The following EYS variants were observed in gnomAD, a reference collection of about 807,000 sequenced individuals.
EYS encodes protein eyes shut homolog.
A neutral mutation model predicts 282.1 loss-of-function variants in EYS; 250 were observed. The ratio of observed to expected loss-of-function variants is 0.89; its 90% CI spans 0.80 to 0.98. The LOEUF (loss-of-function observed/expected upper bound fraction) is 0.98. Ranked by LOEUF, EYS falls within the 50% of genes least tolerant of loss-of-function variation. EYS has a pLI of 0.00. For synonymous variants in EYS, 1,355 were observed against 1,282.9 expected (o/e 1.06, Z -1.20); for missense variants, 4,016 against 3,709.0 (o/e 1.08, Z -2.15).
rs375304751 is a variant in EYS, at chr6:65,120,393, T to A, written c.2024-62666A>T. On this transcript the variant is annotated intron_variant, in intron 12 of 42. Coordinates refer to ENST00000503581, the MANE Select transcript of EYS (RefSeq NM_001142800.2). Reference sequence around the variant, plus strand: ...GCTCTTCTCTTACACATCACATATGTCAGAGACAAGGACTGACATGGCTCA... The same window carrying A: ...GCTCTTCTCTTACACATCACATATGACAGAGACAAGGACTGACATGGCTCA... Among the ~76,000 whole-genome samples the A allele has an allele frequency of 4.2e-5, 6 of 141,836 alleles. No homozygotes were observed. The East Asian group carries it at 8.4e-4, about 20-fold the overall frequency. 93.0% of individuals were successfully genotyped at this position (141,836 alleles called of 152,430 possible). A position where few individuals can be genotyped will look rare whatever the true frequency, so the allele number is the denominator to read the frequency against.
intron 31 of EYS, among the ~76,000 whole-genome samples, chr6:64,156,948 G>A (rs911114587): frequency 9.9e-5 from 15 of 151,564 alleles, no homozygotes; most frequent in Non-Finnish European, 1.6e-4. Flanking sequence ...CAATGTGCAG[G>A]TTAGTTACAT....
rs73766041 is a variant in EYS, at chr6:64,267,418, T to C, written c.6192-36594A>G. On this transcript the variant is annotated intron_variant, in intron 30 of 42. Coordinates refer to ENST00000503581, the MANE Select transcript of EYS (RefSeq NM_001142800.2). ...TACTTCACCTCTCTTCCTAGCCATG[T>C]GTTCTGTCTGCTGTGGGCAATTTCT... 1.7e-3 allele frequency among the ~76,000 whole-genome samples: 266 copies of C among 152,200 alleles called. 1 individual carries two copies. Among genetic ancestry groups the C allele is most frequent in the Non-Finnish European group, 1.8e-3 (119 of 67,996 alleles).
chr6:63,837,150 T>C (rs1427709918), intron 36 of EYS, among the ~76,000 whole-genome samples: 1 of 152,104 alleles, frequency 6.6e-6, no homozygotes, highest in Non-Finnish European at 1.5e-5. Flanking sequence ...AAACATTTTA[T>C]GAAAAAGAAC....
intron 2 of EYS, among the ~76,000 whole-genome samples, chr6:65,634,651 C>T (rs1433478781): frequency 6.6e-6 from 1 of 152,190 alleles, no homozygotes; most frequent in Non-Finnish European, 1.5e-5. Context: ...TTTCCCCATT[C>T]CAGTTAATAG....
In EYS at chr6:63,806,177, C is replaced by T. The variant is rs1323717155; in HGVS notation, c.7411+13G>A. On this transcript the variant is annotated intron_variant, in intron 37 of 42. Transcript: ENST00000503581. ...GGAGCGAGGCAAGTCCTAGAGGGTT[C>T]AGTTAATCTTACCATGGCCTTTCTG... The T allele has an allele frequency of 9.0e-6, 14 of 1,548,394 alleles. No homozygotes were observed. Among genetic ancestry groups the T allele is most frequent in the South Asian group, 1.2e-5 (1 of 83,818 alleles).
At chr6:63,846,379 CT>C (rs1321391464) in intron 36 of EYS, among the ~76,000 whole-genome samples, 2 of 152,146 alleles carry the variant, frequency 1.3e-5, no homozygotes, top group Non-Finnish European at 2.9e-5. Context: ...GCCACTCACC[CT>C]GATGACAGCT....
chr6:64,841,191 C>T (rs1562220133), intron 19 of EYS, among the ~76,000 whole-genome samples: 1 of 152,034 alleles, frequency 6.6e-6, no homozygotes, highest in Non-Finnish European at 1.5e-5. Context: ...AGAAAAGAAT[C>T]AGTCCATAGA....
intron 22 of EYS, among the ~76,000 whole-genome samples, chr6:64,667,601 C>A (rs916641063): frequency 2.0e-5 from 3 of 151,190 alleles, no homozygotes; most frequent in African/African-American, 7.3e-5. Context: ...CTTAGTTTAT[C>A]ATGTTAAATT....
At chr6:65,513,980 C>A (rs141473372) in intron 2 of EYS, among the ~76,000 whole-genome samples, 27 of 152,044 alleles carry the variant, frequency 1.8e-4, no homozygotes, top group East Asian at 5.8e-4. Flanking sequence ...GTATTCAATT[C>A]GGAAAAGAGG....
At chr6:64,153,563 T>C (rs1476535915) in intron 31 of EYS, among the ~76,000 whole-genome samples, 3 of 152,212 alleles carry the variant, frequency 2.0e-5, no homozygotes, top group African/African-American at 7.2e-5. Context: ...TGTTTTCAAC[T>C]TCATAAGTTA....
intron 29 of EYS, among the ~76,000 whole-genome samples, chr6:64,356,673 C>T (rs535933637): frequency 9.6e-4 from 146 of 151,676 alleles, no homozygotes; most frequent in Middle Eastern, 3.4e-3. Context: ...CGTCTCAGCA[C>T]AGGCTTCAGG....
chr6:64,600,614 G>A (rs1044041863), intron 24 of EYS, among the ~76,000 whole-genome samples: 1 of 151,982 alleles, frequency 6.6e-6, no homozygotes, highest in Non-Finnish European at 1.5e-5. Context: ...GTTTTTAACA[G>A]CATTCCTTTT....
intron 31 of EYS, among the ~76,000 whole-genome samples, chr6:64,169,601 T>A (rs1764415662): frequency 6.6e-6 from 1 of 152,110 alleles, no homozygotes; most frequent in South Asian, 2.1e-4. Flanking sequence ...GAGAGTTGAA[T>A]GGAGACCTTT....
chr6:64,637,936 T>C lies in EYS; in HGVS notation c.3444-11691A>G, dbSNP rs1336648711. 2.2e-5 allele frequency among the ~76,000 whole-genome samples: 2 copies of C among 90,352 alleles called. 1 individual carries two copies. The highest frequency in any genetic ancestry group is 8.4e-5 in the African/African-American group (2 of 23,684). 59.3% of individuals were successfully genotyped at this position (90,352 alleles called of 152,430 possible). A position where few individuals can be genotyped will look rare whatever the true frequency, so the allele number is the denominator to read the frequency against. ...AAAGAAAAAAGAAATTTTTTTGTTC[T>C]TTTTTTACAGTAGCATGCTATTTCT... On this transcript the variant is annotated intron_variant, in intron 22 of 42. Coordinates refer to ENST00000503581, the MANE Select transcript of EYS (RefSeq NM_001142800.2).
At chr6:65,108,833 T>C (rs1001078367) in intron 12 of EYS, among the ~76,000 whole-genome samples, 3 of 152,146 alleles carry the variant, frequency 2.0e-5, no homozygotes, top group Non-Finnish European at 4.4e-5. Context: ...ATGTTGGACA[T>C]TTGAATAACA....
chr6:65,152,609 T>C (rs1485315918), intron 12 of EYS, among the ~76,000 whole-genome samples: 1 of 151,880 alleles, frequency 6.6e-6, no homozygotes, highest in Non-Finnish European at 1.5e-5. Flanking sequence ...CCTCCAGAAC[T>C]GTGAAAAATA....
chr6:63,949,701 G>A (rs1299975375), intron 35 of EYS, among the ~76,000 whole-genome samples: 1 of 152,082 alleles, frequency 6.6e-6, no homozygotes, highest in Non-Finnish European at 1.5e-5. Context: ...TGGGAATTAT[G>A]TTCTATAAAG....
intron 1 of EYS, among the ~76,000 whole-genome samples, chr6:65,677,661 C>T (rs1247922483): frequency 6.6e-6 from 1 of 151,878 alleles, no homozygotes; most frequent in Non-Finnish European, 1.5e-5. Context: ...GCAATCCCAT[C>T]AAAATTCCAA....
intron 19 of EYS, among the ~76,000 whole-genome samples, chr6:64,879,714 T>A (rs550978667): frequency 1.3e-5 from 2 of 152,150 alleles, no homozygotes; most frequent in East Asian, 3.9e-4. Flanking sequence ...ATATTTACAA[T>A]ATTATTGACA....
Sources: allele counts gnomAD v4.1 joint callset (sites outside exome capture counted in the v4.1 genomes callset), GRCh38; gene constraint gnomAD v4.1.1; transcripts MANE v1.5; gene names NCBI Gene and HGNC (gene_info 2026-07-23, HGNC 2026-07-21).